The following PRKCB variants were observed in gnomAD, a reference collection of about 807,000 sequenced individuals.
PRKCB encodes protein kinase C beta.
PRKCB carries 13 observed loss-of-function variants against 81.5 expected under a neutral mutation model. That is an observed-to-expected ratio of 0.16 (90% CI 0.10 to 0.25). The LOEUF is 0.25. Among genes scored for constraint, PRKCB ranks in the 10% least tolerant of loss-of-function variants. PRKCB has a pLI of 1.00. For missense variants in PRKCB, 509 were observed against 875.7 expected, an observed-to-expected ratio of 0.58 and a Z score of 5.29; for synonymous variants, 335 against 321.4, an observed-to-expected ratio of 1.04 and a Z score of -0.45.
chr16:23,870,686 G>A (rs2141098823), intron 2 of PRKCB, among the ~76,000 whole-genome samples: 1 of 152,336 alleles, frequency 6.6e-6, no homozygotes, highest in African/African-American at 2.4e-5. Flanking sequence ...GGTTGATCAG[G>A]ACCCTGGCAG....
intron 9 of PRKCB, among the ~76,000 whole-genome samples, chr16:24,143,457 G>A (rs1390862678): frequency 6.6e-6 from 1 of 152,124 alleles, no homozygotes; most frequent in Non-Finnish European, 1.5e-5. Context: ...GACAGAGGGA[G>A]GGTATAGTCC....
chr16:23,876,918 T>C (rs774169709), intron 2 of PRKCB, among the ~76,000 whole-genome samples: 2 of 152,078 alleles, frequency 1.3e-5, no homozygotes, highest in Non-Finnish European at 2.9e-5. Context: ...TTAGTTAGAA[T>C]CCTTTGGTTG....
intron 2 of PRKCB, among the ~76,000 whole-genome samples, chr16:23,859,996 A>C (rs1962637336): frequency 6.6e-6 from 1 of 152,072 alleles, no homozygotes; most frequent in African/African-American, 2.4e-5. Context: ...GTGGGAAATA[A>C]ATGAAGTTTT....
chr16:23,855,045 A>G (rs930419642), intron 2 of PRKCB, among the ~76,000 whole-genome samples: 1 of 152,170 alleles, frequency 6.6e-6, no homozygotes, highest in South Asian at 2.1e-4. Context: ...ACTGCCATCA[A>G]ATACTACCGT....
At position 23,927,765 on chromosome 16, in the gene PRKCB, G is replaced by T. The variant is rs571081558; in HGVS notation, c.206-60743G>T. On this transcript the variant is annotated intron_variant, in intron 2 of 16. Coordinates refer to ENST00000643927, the MANE Select transcript of PRKCB (RefSeq NM_002738.7). ...GGGATGGCTCCCTGGTTTCTGGCTTGGGTACTAGGTGCGCTGGTGGTGCTT... is the reference window on the plus strand; with the variant it reads ...GGGATGGCTCCCTGGTTTCTGGCTTTGGTACTAGGTGCGCTGGTGGTGCTT... Among the ~76,000 whole-genome samples the T allele has an allele frequency of 1.3e-3, 199 of 152,094 alleles. 1 individual carries two copies. Among genetic ancestry groups the T allele is most frequent in the African/African-American group, 4.6e-3 (193 of 41,538 alleles).
At chr16:23,847,598 T>G in intron 2 of PRKCB, among the ~76,000 whole-genome samples, 1 of 110,000 alleles carries the variant, frequency 9.1e-6, no homozygotes, top group African/African-American at 3.4e-5. Context: ...CCAACCGTTT[T>G]TCCATTCATT....
intron 2 of PRKCB, among the ~76,000 whole-genome samples, chr16:23,946,529 G>T (rs546369562): frequency 6.6e-6 from 1 of 152,122 alleles, no homozygotes; most frequent in Admixed American, 6.5e-5. Flanking sequence ...CTACTTTAGA[G>T]GGCTATAGGG....
intron 2 of PRKCB, among the ~76,000 whole-genome samples, chr16:23,909,127 C>T (rs942945971): frequency 6.6e-6 from 1 of 152,192 alleles, no homozygotes; most frequent in Non-Finnish European, 1.5e-5. Flanking sequence ...CTTTTCACTT[C>T]GAAGTTCATG....
intron 16 of PRKCB, among the ~76,000 whole-genome samples, chr16:24,194,097 C>T (rs554325749): frequency 2.0e-5 from 3 of 152,040 alleles, no homozygotes; most frequent in African/African-American, 7.2e-5. Context: ...GAGGCTGAGC[C>T]GGGCAGATCA....
At chr16:23,994,643 T>G (rs1964932019) in intron 3 of PRKCB, among the ~76,000 whole-genome samples, 2 of 152,232 alleles carry the variant, frequency 1.3e-5, no homozygotes, top group African/African-American at 4.8e-5. Flanking sequence ...TGGATAATCA[T>G]AAGCTTAACC....
chr16:23,946,699 CAGA>C (rs1964207586), intron 2 of PRKCB, among the ~76,000 whole-genome samples: 1 of 151,968 alleles, frequency 6.6e-6, no homozygotes, highest in Non-Finnish European at 1.5e-5. Flanking sequence ...CTTTAGCGTG[CAGA>C]AGAATCACCT....
chr16:23,968,693 T>A (rs1022480161), intron 2 of PRKCB, among the ~76,000 whole-genome samples: 2 of 151,990 alleles, frequency 1.3e-5, no homozygotes, highest in African/African-American at 4.8e-5. Context: ...GAGAAAAAAA[T>A]GGATCTGAGA....
At chr16:24,063,397 C>T (rs563175004) in intron 5 of PRKCB, among the ~76,000 whole-genome samples, 4 of 151,820 alleles carry the variant, frequency 2.6e-5, no homozygotes, top group Middle Eastern at 3.4e-3. Context: ...TGAGTTCAAG[C>T]GATTCTCCTG....
intron 5 of PRKCB, among the ~76,000 whole-genome samples, chr16:24,041,700 A>G (rs1334764776): frequency 1.3e-5 from 2 of 152,302 alleles, no homozygotes; most frequent in East Asian, 1.9e-4. Flanking sequence ...AAAGAAAAAG[A>G]GTACCAAAGA....
chr16:23,837,169 CTT>C (rs1426340652), intron 1 of PRKCB: 1 of 689,350 alleles, frequency 1.5e-6, no homozygotes. Flanking sequence ...AGCCTCCTCT[CTT>C]CTGCAGGAGT....
At chr16:23,881,994 CTT>C (rs1350673634) in intron 2 of PRKCB, among the ~76,000 whole-genome samples, 1 of 59,864 alleles carries the variant, frequency 1.7e-5, no homozygotes, top group African/African-American at 6.2e-5. Flanking sequence ...TTCTTTCTTT[CTT>C]TCTTTCTTTC....
At chr16:24,016,698 GA>G (rs1291270731) in intron 3 of PRKCB, among the ~76,000 whole-genome samples, 2 of 152,024 alleles carry the variant, frequency 1.3e-5, no homozygotes, top group African/African-American at 2.4e-5. Context: ...ATCTTTTCTG[GA>G]AAAACACAAG....
intron 3 of PRKCB, among the ~76,000 whole-genome samples, chr16:24,008,003 T>C (rs1029149859): frequency 8.7e-6 from 1 of 115,136 alleles, no homozygotes; most frequent in Admixed American, 7.9e-5. Context: ...TGGTATTCTT[T>C]TTCAAAAAAA....
intron 5 of PRKCB, among the ~76,000 whole-genome samples, chr16:24,070,445 G>A (rs529545813): frequency 1.5e-4 from 23 of 152,088 alleles, no homozygotes; most frequent in Non-Finnish European, 2.2e-4. Flanking sequence ...CGTTGCGCCC[G>A]GCCTTGAAAC....
Sources: allele counts gnomAD v4.1 joint callset (sites outside exome capture counted in the v4.1 genomes callset), GRCh38; gene constraint gnomAD v4.1.1; transcripts MANE v1.5; gene names NCBI Gene and HGNC (gene_info 2026-07-23, HGNC 2026-07-21).